RNF216: variants seen among roughly 807,000 people sequenced by gnomAD.
RNF216 encodes the protein ring finger protein 216.
Under a neutral mutation model 110.8 loss-of-function variants are expected in RNF216, and 72 were observed. The ratio of observed to expected loss-of-function variants is 0.65; its 90% CI spans 0.54 to 0.79. The LOEUF (loss-of-function observed/expected upper bound fraction) is 0.79. Ranked by LOEUF, RNF216 falls within the 30% of genes least tolerant of loss-of-function variation. RNF216 has a pLI of 0.00. For synonymous variants in RNF216, 495 were observed against 407.5 expected, an observed-to-expected ratio of 1.21 and a Z score of -2.59; for missense variants, 1,342 against 1,141.2, an observed-to-expected ratio of 1.18 and a Z score of -2.54.
At chr7:5,739,071 A>C (rs898764911) in intron 5 of RNF216, among the ~76,000 whole-genome samples, 1 of 152,180 alleles carries the variant, frequency 6.6e-6, no homozygotes, top group Non-Finnish European at 1.5e-5. Context: ...GGGGATGGGG[A>C]GTGAGTGTTT....
chr7:5,736,950 G>A (rs1289533033), intron 5 of RNF216, among the ~76,000 whole-genome samples: 1 of 150,856 alleles, frequency 6.6e-6, no homozygotes, highest in African/African-American at 2.4e-5. Flanking sequence ...GAGGTGGGGA[G>A]CACCTCTGCC....
At chr7:5,633,941 G>A (rs771408511) in intron 15 of RNF216, among the ~76,000 whole-genome samples, 4 of 152,192 alleles carry the variant, frequency 2.6e-5, no homozygotes, top group South Asian at 2.1e-4. Context: ...TTCTGTCCAC[G>A]CAGCAGGGTA....
chr7:5,718,381 A>C (rs921218577), intron 9 of RNF216, among the ~76,000 whole-genome samples: 3 of 152,194 alleles, frequency 2.0e-5, no homozygotes, highest in Non-Finnish European at 4.4e-5. Flanking sequence ...ACTCCGTCTC[A>C]AAAAACAAAC....
chr7:5,660,952 T>TG (rs1445044191), intron 13 of RNF216, among the ~76,000 whole-genome samples: 20 of 144,246 alleles, frequency 1.4e-4, no homozygotes, highest in Admixed American at 4.1e-4. Context: ...GGTTTTTTTT[T>TG]TTTTTTTTTT....
In RNF216 at chr7:5,622,838, G is replaced by A. The variant is rs370619106; in HGVS notation, c.*22C>T. The A allele has an allele frequency of 5.4e-5, 85 of 1,578,046 alleles. No individual in the cohort carries two copies. The highest frequency in any genetic ancestry group is 7.2e-5 in the Non-Finnish European group (84 of 1,159,780). ...TCCTACCCCAAACGGGCTTTGTGCT[G>A]CTCAATGGGGATTCGGGGCCATCAG... On this transcript the variant is annotated 3_prime_UTR_variant, in exon 17 of 17. Transcript: ENST00000389902.
intron 13 of RNF216, among the ~76,000 whole-genome samples, chr7:5,694,525 A>G (rs2128616338): frequency 6.6e-6 from 1 of 152,378 alleles, no homozygotes; most frequent in Non-Finnish European, 1.5e-5. Context: ...GTTCAGTTCC[A>G]ACATCTGCTA....
chr7:5,690,449 G>T (rs1791264198), intron 13 of RNF216, among the ~76,000 whole-genome samples: 1 of 152,068 alleles, frequency 6.6e-6, no homozygotes. Context: ...GGTTTCCCAG[G>T]TAGTATTAAA....
In RNF216 at chr7:5,624,131, A is replaced by G; in HGVS notation, c.2383-6T>C. ...ATAAGCTTCTCATCATCTTCCTAAA[A>G]CGCAAGCAATGAGAAGGATGAACCT... On this transcript the variant is annotated splice_polypyrimidine_tract_variant and splice_region_variant and intron_variant, in intron 15 of 16. Transcript: ENST00000389902. This position sits in a 1 kb window ranked among gnomAD's most constrained non-coding sequence, Gnocchi z 4.4. 5 of 1,612,360 alleles carry G rather than the reference A, an allele frequency of 3.1e-6. No individual in the cohort carries two copies. Among genetic ancestry groups the G allele is most frequent in the Non-Finnish European group, 4.2e-6 (5 of 1,179,326 alleles).
At chr7:5,711,330 A>G (rs975792751) in intron 13 of RNF216, among the ~76,000 whole-genome samples, 1 of 152,214 alleles carries the variant, frequency 6.6e-6, no homozygotes, top group Non-Finnish European at 1.5e-5. Flanking sequence ...AGATGCCACT[A>G]AGATGCCCAG....
At chr7:5,775,635 C>T (rs780467152) in intron 1 of RNF216, among the ~76,000 whole-genome samples, 3 of 151,622 alleles carry the variant, frequency 2.0e-5, no homozygotes, top group Non-Finnish European at 4.4e-5. Flanking sequence ...TTTGAGAGGC[C>T]GAGGTGAGTG....
chr7:5,752,733 T>G, intron 3 of RNF216, 113 bp downstream of exon 3: 1 of 1,025,084 alleles, frequency 9.8e-7, no homozygotes, highest in Non-Finnish European at 1.4e-6. Flanking sequence ...AAAGGGGCTG[T>G]TCTCAGAACG....
At chr7:5,625,180 T>A (rs1328488675) in intron 15 of RNF216, among the ~76,000 whole-genome samples, 1 of 152,194 alleles carries the variant, frequency 6.6e-6, no homozygotes, top group Non-Finnish European at 1.5e-5. Context: ...ACACGCCAAC[T>A]GCCGGCTCAG....
chr7:5,669,969 C>T (rs1167984749), intron 13 of RNF216, among the ~76,000 whole-genome samples: 1 of 151,864 alleles, frequency 6.6e-6, no homozygotes, highest in Non-Finnish European at 1.5e-5. Context: ...CTCTGCCACC[C>T]ATGCTGGAGT....
At chr7:5,740,791 G>A (rs1394829211) in intron 4 of RNF216, among the ~76,000 whole-genome samples, 182 bp downstream of exon 4, 1 of 151,806 alleles carries the variant, frequency 6.6e-6, no homozygotes, top group Non-Finnish European at 1.5e-5. Context: ...GTATAGTAAA[G>A]GAACCCTGAT....
chr7:5,739,279 T>C lies in RNF216; in HGVS notation c.1118A>G (p.Asn373Ser). ...IIHFKNYYDL[N>S]VLCNFLLENP... ...AAAAGCATGGTAGTATACTTACACA[T>C]TCAGATCATAATAATTCTTAAAATG... Residue 373 changes from asparagine (N) to serine (S), a missense_variant, in exon 5 of 17, where the codon AAT (asparagine) becomes AGT (serine). Coordinates refer to ENST00000389902, the MANE Select transcript of RNF216 (RefSeq NM_207111.4). The C allele has an allele frequency of 1.3e-6, 2 of 1,587,764 alleles. No homozygotes were observed. The highest frequency in any genetic ancestry group is 1.7e-6 in the Non-Finnish European group (2 of 1,171,740).
At chr7:5,658,998 G>A (rs1788926521) in intron 13 of RNF216, among the ~76,000 whole-genome samples, 1 of 152,136 alleles carries the variant, frequency 6.6e-6, no homozygotes, top group Admixed American at 6.6e-5. Flanking sequence ...AAAGATGGTT[G>A]AGAAGCAACT....
At chr7:5,654,830 A>T (rs1223368641) in intron 13 of RNF216, among the ~76,000 whole-genome samples, 2 of 152,112 alleles carry the variant, frequency 1.3e-5, no homozygotes, top group South Asian at 4.1e-4. Flanking sequence ...CATCCCATTC[A>T]GTAAACAAAG....
At chr7:5,733,851 T>G (rs528411097) in intron 5 of RNF216, among the ~76,000 whole-genome samples, 1 of 152,336 alleles carries the variant, frequency 6.6e-6, no homozygotes, top group South Asian at 2.1e-4. Flanking sequence ...GTCGAAGAGT[T>G]GTTAAAGCAA....
chr7:5,696,565 G>A lies in RNF216; in HGVS notation c.2061+15196C>T, dbSNP rs764355118. ...GGCCGGGGCAGCCTCCTAGACACGC[G>A]TGCCCAAGATCGTGTCCTATGGTCT... On this transcript the variant is annotated intron_variant, in intron 13 of 16. Coordinates refer to ENST00000389902, the MANE Select transcript of RNF216 (RefSeq NM_207111.4). This position sits in a 1 kb window ranked among gnomAD's most constrained non-coding sequence, Gnocchi z 5.4. 6.6e-6 allele frequency among the ~76,000 whole-genome samples: 1 copy of A among 152,056 alleles called. No homozygotes were observed. The highest frequency in any genetic ancestry group is 1.5e-5 in the Non-Finnish European group (1 of 68,006).
Sources: gnomAD v4.1 joint callset for allele counts (sites outside exome capture counted in the v4.1 genomes callset) on GRCh38, gnomAD v4.1.1 for gene constraint, Gnocchi (gnomAD v3.1) non-coding constraint, MANE v1.5 for transcripts, NCBI Gene and HGNC (gene_info 2026-07-23, HGNC 2026-07-21) for gene names.